The following PDE12 variants were observed in gnomAD, a reference collection of about 807,000 sequenced individuals.
The protein encoded by PDE12 is 2',5'-phosphodiesterase 12.
A neutral mutation model predicts 45.4 loss-of-function variants in PDE12; 26 were observed. The ratio of observed to expected loss-of-function variants is 0.57; its 90% CI spans 0.42 to 0.79. The LOEUF is 0.79. Ranked by LOEUF, PDE12 falls within the 30% of genes least tolerant of loss-of-function variation. PDE12 has a pLI of 0.00. For missense variants in PDE12, 668 were observed against 790.0 expected (o/e 0.85, Z 1.85); for synonymous variants, 283 against 323.9 (o/e 0.87, Z 1.36).
At chr3:57,613,917 A>AAG in the PDE12 span, among the ~76,000 whole-genome samples, 1 of 150,528 alleles carries the variant, frequency 6.6e-6, no homozygotes, top group Admixed American at 6.6e-5. Flanking sequence ...AAAAAAAAAA[A>AAG]AAAAAAGAAA....
chr3:57,573,898 A>G, the PDE12 span, among the ~76,000 whole-genome samples: 1 of 150,456 alleles, frequency 6.6e-6, no homozygotes, highest in African/African-American at 2.4e-5. Flanking sequence ...ATGTTCTTCA[A>G]ATCAGCCTGA....
At chr3:57,601,237 G>A in the PDE12 span, among the ~76,000 whole-genome samples, 4 of 152,046 alleles carry the variant, frequency 2.6e-5, no homozygotes, top group African/African-American at 9.7e-5. Flanking sequence ...AGCCTCCGGG[G>A]TAGCTGGAAT....
At chr3:57,568,033 A>ACTCCAGC (rs1456590789), downstream of PDE12, among the ~76,000 whole-genome samples, 1 of 131,010 alleles carries the variant, frequency 7.6e-6, no homozygotes, top group East Asian at 2.5e-4. Flanking sequence ...ACACCACTGC[A>ACTCCAGC]CTCCAGCCTG....
the PDE12 span, among the ~76,000 whole-genome samples, chr3:57,618,209 T>C: frequency 6.6e-6 from 1 of 152,172 alleles, no homozygotes; most frequent in Non-Finnish European, 1.5e-5. Context: ...AGCGATGGGA[T>C]CCTTAGAAGC....
At chr3:57,647,882 A>G in the PDE12 span, among the ~76,000 whole-genome samples, 3 of 151,802 alleles carry the variant, frequency 2.0e-5, no homozygotes, top group African/African-American at 2.4e-5. Context: ...ATCCAACAAG[A>G]AGAATCAGAG....
the PDE12 span, among the ~76,000 whole-genome samples, chr3:57,579,304 GACTAT>G: frequency 1.4e-5 from 2 of 143,326 alleles, no homozygotes; most frequent in East Asian, 2.1e-4. Flanking sequence ...AAGGGCAAAG[GACTAT>G]ACTATATCTT....
At chr3:57,655,177 G>A in the PDE12 span, among the ~76,000 whole-genome samples, 1 of 152,112 alleles carries the variant, frequency 6.6e-6, no homozygotes, top group African/African-American at 2.4e-5. Context: ...GAGATTACAG[G>A]CGGCCCGCCA....
chr3:57,635,021 T>C, the PDE12 span, among the ~76,000 whole-genome samples: 1 of 152,232 alleles, frequency 6.6e-6, no homozygotes, highest in Non-Finnish European at 1.5e-5. Context: ...TTCATTAATA[T>C]CTATCATTAC....
the PDE12 span, chr3:57,630,403 AAC>A: frequency 7.6e-5 from 119 of 1,566,590 alleles, no homozygotes; most frequent in Non-Finnish European, 1.0e-4. Flanking sequence ...TCATTACACA[AAC>A]ACACAGTTTT....
the PDE12 span, among the ~76,000 whole-genome samples, chr3:57,642,708 T>C: frequency 2.4e-3 from 367 of 151,952 alleles, 1 homozygote; most frequent in Non-Finnish European, 3.6e-3. Context: ...AAAGCACTTA[T>C]TAGAAAGATC....
Position 57,556,620 on chromosome 3 carries a change from A to G in PDE12, c.241A>G (p.Asn81Asp). The change falls in exon 1 of 3, where the codon AAT becomes GAT. Residue 81 changes from asparagine (N) to aspartate (D), a missense_variant. By Grantham distance (23) the Asn-to-Asp change is conservative (BLOSUM62 1). Coordinates refer to ENST00000311180, the MANE Select transcript of PDE12 (RefSeq NM_177966.7). This position sits in a 1 kb window ranked among gnomAD's most constrained non-coding sequence, Gnocchi z 5.0. ...TCGAGTCCTCAGCCGCATCGCTACC[A>G]ATGCCCTAAAGGGTCACGCTAAGGC... Reference protein sequence around the residue: ...LGRVLSRIATNALKGHAKAAA... With the variant: ...LGRVLSRIATDALKGHAKAAA... The G allele has an allele frequency of 6.2e-7, 1 of 1,611,674 alleles. No homozygotes were observed.
At chr3:57,592,851 G>A in the PDE12 span, among the ~76,000 whole-genome samples, 4 of 152,112 alleles carry the variant, frequency 2.6e-5, no homozygotes, top group Admixed American at 2.6e-4. Flanking sequence ...ATCAAAAAGA[G>A]AGGACACAAA....
chr3:57,634,372 G>A, the PDE12 span, among the ~76,000 whole-genome samples: 1 of 149,384 alleles, frequency 6.7e-6, no homozygotes, highest in South Asian at 2.1e-4. Context: ...GGTGGAGGTT[G>A]CAGTGAGCTG....
chr3:57,558,515 G>C (rs1285496976), intron 1 of PDE12, among the ~76,000 whole-genome samples: 1 of 144,140 alleles, frequency 6.9e-6, no homozygotes, highest in South Asian at 2.2e-4. Flanking sequence ...ATTATTTTGA[G>C]ACGGAGTCTC....
the PDE12 span, among the ~76,000 whole-genome samples, chr3:57,601,985 C>A: frequency 2.6e-5 from 4 of 151,352 alleles, no homozygotes; most frequent in African/African-American, 9.7e-5. Flanking sequence ...GAATGCCTGA[C>A]CTCAAGTGAT....
chr3:57,640,141 C>T, the PDE12 span, among the ~76,000 whole-genome samples: 4 of 151,100 alleles, frequency 2.6e-5, no homozygotes, highest in Non-Finnish European at 5.9e-5. Flanking sequence ...TGGTGGTGGG[C>T]GCCTGTAATC....
the PDE12 span, among the ~76,000 whole-genome samples, chr3:57,576,451 T>C: frequency 2.0e-5 from 3 of 151,884 alleles, no homozygotes; most frequent in South Asian, 4.2e-4. Context: ...GCCATTGATA[T>C]GCACATTTAA....
the PDE12 span, chr3:57,646,528 G>T: frequency 6.9e-7 from 1 of 1,449,596 alleles, no homozygotes; most frequent in Non-Finnish European, 9.1e-7. Flanking sequence ...ACTCCACATT[G>T]ATATAAATTC....
At chr3:57,643,060 TGAG>T in the PDE12 span, among the ~76,000 whole-genome samples, 1 of 149,478 alleles carries the variant, frequency 6.7e-6, no homozygotes, top group Non-Finnish European at 1.5e-5. Context: ...AGTTATCTTA[TGAG>T]GAGAGAAGGG....
Sources: gnomAD v4.1 joint callset for allele counts (sites outside exome capture counted in the v4.1 genomes callset) on GRCh38, gnomAD v4.1.1 for gene constraint, Gnocchi (gnomAD v3.1) non-coding constraint, MANE v1.5 for transcripts, NCBI Gene and HGNC (gene_info 2026-07-23, HGNC 2026-07-21) for gene names.